Variants in TEP1 observed in about 807,000 individuals in gnomAD.
The protein encoded by TEP1 is telomerase associated protein 1.
TEP1 carries 241 observed loss-of-function variants against 306.3 expected under a neutral mutation model. The observed-to-expected ratio is 0.79, with a 90% CI of 0.71 to 0.88. The LOEUF (loss-of-function observed/expected upper bound fraction) is 0.88. Among genes scored for constraint, TEP1 ranks in the 40% least tolerant of loss-of-function variants. TEP1 has a pLI of 0.00. For synonymous variants in TEP1, 1,289 were observed against 1,305.5 expected (o/e 0.99, Z 0.27); for missense variants, 3,051 against 3,276.1 (o/e 0.93, Z 1.68).
intron 6 of TEP1, 67 bp downstream of exon 6, chr14:20,403,656 C>A (rs1878937671): frequency 6.2e-7 from 1 of 1,607,268 alleles, no homozygotes; most frequent in East Asian, 2.2e-5. Context: ...CCAGCATCAG[C>A]ATGCTCCCTT....
rs373182815 is a variant in TEP1, at chr14:20,395,532, G to T, written c.1846C>A (p.Arg616Ser). 1 of 1,613,912 alleles carries T rather than the reference G, an allele frequency of 6.2e-7. No homozygotes were observed. Among genetic ancestry groups the T allele is most frequent in the South Asian group, 1.1e-5 (1 of 91,082 alleles). Residue 616 changes from arginine (R) to serine (S), a missense_variant, in exon 12 of 55, where the codon CGT (arginine) becomes AGT (serine). Physicochemically the swap from Arg to Ser is moderately radical, Grantham distance 110. This residue lies in a region of TEP1 where 1,507 missense variants were observed against 1,550.5 expected (regional missense o/e 0.97). Transcript: ENST00000262715. Reference sequence around the variant, plus strand: ...CTCATTGCCATCCGAAGCTGCTGACGGCTTAGGTGGCAAAGAAACCTCCGC... The same window carrying T: ...CTCATTGCCATCCGAAGCTGCTGACTGCTTAGGTGGCAAAGAAACCTCCGC... ...PRRRFLCHLS[R>S]QQLRMAMRIP...
intron 21 of TEP1, 95 bp downstream of exon 21, chr14:20,384,890 G>T: frequency 1.3e-6 from 2 of 1,575,436 alleles, no homozygotes; most frequent in Admixed American, 1.8e-5. Context: ...CTGCCTCATA[G>T]CACTCCCCTT....
Position 20,395,874 on chromosome 14 carries a change from G to C in TEP1, c.1735C>G (p.Gln579Glu). The C allele has an allele frequency of 6.2e-7, 1 of 1,613,888 alleles. No homozygotes were observed. Among genetic ancestry groups the C allele is most frequent in the East Asian group, 2.2e-5 (1 of 44,878 alleles). ...GGGAGAATACCTTGATTTCTGAGTT[G>C]AGCCTCGAGGGCATCAATGGCATCA... Reference protein sequence around the residue: ...AHDAIDALEAQLRNQALPFPS... With the variant: ...AHDAIDALEAELRNQALPFPS... The change falls in exon 11 of 55, where the codon CAA becomes GAA. Residue 579 changes from glutamine (Q) to glutamate (E), a missense_variant. By Grantham distance (29) the Gln-to-Glu change is conservative. This residue lies in a region of TEP1 where 1,507 missense variants were observed against 1,550.5 expected (regional missense o/e 0.97). Transcript: ENST00000262715.
chr14:20,390,794 A>C (rs1413334173), intron 14 of TEP1, 36 bp from the exon 15 acceptor site: 1 of 1,613,548 alleles, frequency 6.2e-7, no homozygotes, highest in African/African-American at 1.3e-5. Flanking sequence ...GTGGTTGCAC[A>C]GTAAGCGACA....
At chr14:20,372,703 C>A in intron 49 of TEP1, 30 bp downstream of exon 49, 1 of 1,613,930 alleles carries the variant, frequency 6.2e-7, no homozygotes, top group Non-Finnish European at 8.5e-7. Flanking sequence ...ACTGCTGTTT[C>A]TATCCCATTA....
In TEP1 at chr14:20,378,591, G is replaced by A. The variant is rs147161769; in HGVS notation, c.5353-56C>T. Reference sequence around the variant, plus strand: ...TGAAGAGAGATGCCTGAACTTCTCAGTCCCAGACCTCCAGGAGCAACCTTG... The same window carrying A: ...TGAAGAGAGATGCCTGAACTTCTCAATCCCAGACCTCCAGGAGCAACCTTG... On this transcript the variant is annotated intron_variant, in intron 37 of 54. Coordinates refer to ENST00000262715, the MANE Select transcript of TEP1 (RefSeq NM_007110.5). The A allele has an allele frequency of 2.3e-3, 3,713 of 1,610,048 alleles. 67 individuals carry two copies. The African/African-American group carries it at 0.038, about 16-fold the overall frequency.
Position 20,406,359 on chromosome 14 carries a change from G to C in TEP1, c.609C>G (p.Thr203=), listed in dbSNP as rs148837253. Residue 203 remains threonine, a synonymous_variant, in exon 3 of 55, where the codon ACC becomes ACG. Coordinates refer to ENST00000262715, the MANE Select transcript of TEP1 (RefSeq NM_007110.5). ...FDSEEKKGAE[T]QMPSYSLSLG... ...AGCTCAGACTATAAGAAGGCATTTG[G>C]GTCTCTGCCCCTTTCTTCTCTTCTG... The C allele has an allele frequency of 1.7e-4, 282 of 1,614,098 alleles. No individual in the cohort carries two copies. In the African/African-American group the frequency reaches 3.0e-3, roughly 17 times the overall value.
chr14:20,372,168 C>T (rs1884876947), intron 49 of TEP1, among the ~76,000 whole-genome samples: 1 of 152,172 alleles, frequency 6.6e-6, no homozygotes, highest in Non-Finnish European at 1.5e-5. Flanking sequence ...CACCAGGAAT[C>T]CAAGGAGCTG....
At position 20,408,988 on chromosome 14, in the gene TEP1, G is replaced by A. The variant is rs991491377; in HGVS notation, c.-24-525C>T. ...CCTCGCAATATAATCTGGACTGTGG[G>A]TTCATAGCTCCAGAGAAACAGGTAC... On this transcript the variant is annotated intron_variant, in intron 1 of 54. Transcript: ENST00000262715. Among the ~76,000 whole-genome samples the A allele has an allele frequency of 2.6e-5, 4 of 152,152 alleles. No individual in the cohort carries two copies. In the Middle Eastern group the frequency reaches 0.014, roughly 521 times the overall value.
chr14:20,384,055 C>T lies in TEP1; in HGVS notation c.3517G>A (p.Gly1173Ser), dbSNP rs1180119770. The stretch of plus-strand genomic sequence containing the variant: ...CTCTGTACCAGGAAGGCTGTCTTGC[C>T]CTGTCCTGACTGCCCCGTCACCAGG... ...LSLVTGQSGQ[G>S]KTAFLASLVS... The change falls in exon 24 of 55, where the codon GGC (glycine) becomes AGC (serine). Residue 1173 changes from glycine (G) to serine (S), a missense_variant. Around this residue, in one of 3 missense-constraint regions of TEP1, gnomAD observed 1,507 missense variants for 1,550.5 expected, o/e 0.97. Coordinates refer to ENST00000262715, the MANE Select transcript of TEP1 (RefSeq NM_007110.5). The T allele has an allele frequency of 6.2e-7, 1 of 1,610,042 alleles. No homozygotes were observed. Among genetic ancestry groups the T allele is most frequent in the Admixed American group, 1.7e-5 (1 of 59,794 alleles).
In TEP1 at chr14:20,391,628, T is replaced by A. The variant is rs1342041997; in HGVS notation, c.2068A>T (p.Arg690Trp). 2.5e-6 allele frequency: 4 copies of A among 1,614,110 alleles called. No homozygotes were observed. Among genetic ancestry groups the A allele is most frequent in the Non-Finnish European group, 3.4e-6 (4 of 1,179,998 alleles). Residue 690 changes from arginine (R) to tryptophan (W), a missense_variant, in exon 13 of 55, where the codon AGG becomes TGG. Arg to Trp is a moderately radical substitution (Grantham distance 101). Around this residue, in one of 3 missense-constraint regions of TEP1, gnomAD observed 1,507 missense variants for 1,550.5 expected, o/e 0.97. Coordinates refer to ENST00000262715, the MANE Select transcript of TEP1 (RefSeq NM_007110.5). ...TGTGGGTTGCTCTTTGGACAGAGCC[T>A]GTCTGCATTAGCATCTGTCAGATAG... Reference protein sequence around the residue: ...LVYLTDANADRLCPKSNPQGP... With the variant: ...LVYLTDANADWLCPKSNPQGP...
intron 9 of TEP1, among the ~76,000 whole-genome samples, chr14:20,399,430 T>A (rs929187627): frequency 2.0e-5 from 3 of 152,108 alleles, no homozygotes; most frequent in African/African-American, 7.2e-5. Context: ...CAAAAAAATG[T>A]TAATGAGTTA....
At position 20,403,394 on chromosome 14, in the gene TEP1, T is replaced by C. The variant is rs550600450; in HGVS notation, c.1249A>G (p.Arg417Gly). The C allele has an allele frequency of 1.2e-4, 191 of 1,614,082 alleles. No individual in the cohort carries two copies. The highest frequency in any genetic ancestry group is 1.6e-4 in the Non-Finnish European group (183 of 1,179,950). The change falls in exon 7 of 55, where the codon AGA becomes GGA. Residue 417 changes from arginine to glycine, a missense_variant. Physicochemically the swap from Arg to Gly is moderately radical, Grantham distance 125. This residue lies in a region of TEP1 where 1,507 missense variants were observed against 1,550.5 expected (regional missense o/e 0.97). Transcript: ENST00000262715. ...RCFPRYIGFLREEQRKFEKAG... is the reference protein window; with the variant it reads ...RCFPRYIGFLGEEQRKFEKAG... ...GGACTCACCTTTCTCTGCTCTTCTCTGAGAAACCCTATGTACCTTGGAAAA... is the reference window on the plus strand; with the variant it reads ...GGACTCACCTTTCTCTGCTCTTCTCCGAGAAACCCTATGTACCTTGGAAAA...
At position 20,368,223 on chromosome 14, in the gene TEP1, A is replaced by T. The variant is rs1322467872; in HGVS notation, c.*214T>A. The T allele has an allele frequency of 7.1e-6, 3 of 420,060 alleles. No homozygotes were observed. Among genetic ancestry groups the T allele is most frequent in the Non-Finnish European group, 8.3e-6 (2 of 241,242 alleles). 26.0% of individuals were successfully genotyped at this position (420,060 alleles called of 1,614,324 possible). ...AAGGATTAATGTTGAATAAGAAGAG[A>T]CACACATTAGAATGTACATATACAT... On this transcript the variant is annotated 3_prime_UTR_variant, in exon 55 of 55. Coordinates refer to ENST00000262715, the MANE Select transcript of TEP1 (RefSeq NM_007110.5).
chr14:20,402,801 G>A (rs1878857495), intron 7 of TEP1, among the ~76,000 whole-genome samples: 1 of 152,080 alleles, frequency 6.6e-6, no homozygotes, highest in South Asian at 2.1e-4. Flanking sequence ...TCCTGTGAAA[G>A]GTATATATTT....
intron 12 of TEP1, among the ~76,000 whole-genome samples, chr14:20,393,010 G>C (rs1007997433): frequency 6.6e-6 from 1 of 151,830 alleles, no homozygotes; most frequent in African/African-American, 2.4e-5. Context: ...CAAGGAGATC[G>C]AGACCATCCT....
intron 20 of TEP1, 50 bp from the exon 21 acceptor site, chr14:20,385,159 TCC>T: frequency 6.2e-7 from 1 of 1,606,186 alleles, no homozygotes; most frequent in Non-Finnish European, 8.5e-7. Context: ...ACAATGACCC[TCC>T]CTCCAGACCT....
At chr14:20,407,402 A>G (rs962342727) in intron 2 of TEP1, among the ~76,000 whole-genome samples, 1 of 152,152 alleles carries the variant, frequency 6.6e-6, no homozygotes, top group Non-Finnish European at 1.5e-5. Context: ...TCTGTTGCCC[A>G]GATTGGAGTG....
chr14:20,404,675 C>T lies in TEP1; in HGVS notation c.968G>A (p.Arg323Gln), dbSNP rs138892488. The part of the protein sequence containing the change: ...AFLPACRPHL[R>Q]RYFCAIVQLP... ...CTGGACAATGGCACAGAAATATCGT[C>T]GCAGGTGGGGGCGACACGCCGGCAA... Residue 323 changes from arginine to glutamine, a missense_variant, in exon 5 of 55, where the codon CGA (arginine) becomes CAA (glutamine). Coordinates refer to ENST00000262715, the MANE Select transcript of TEP1 (RefSeq NM_007110.5). 1.2e-3 allele frequency: 1,930 copies of T among 1,614,160 alleles called. 2 individuals carry two copies. Among genetic ancestry groups the T allele is most frequent in the Non-Finnish European group, 1.4e-3 (1,680 of 1,180,026 alleles).
Sources: allele counts gnomAD v4.1 joint callset (sites outside exome capture counted in the v4.1 genomes callset), GRCh38; gene constraint gnomAD v4.1.1; regional missense constraint gnomAD v4.1.1; transcripts MANE v1.5; gene names NCBI Gene and HGNC (gene_info 2026-07-23, HGNC 2026-07-21).